RGS7: variants seen among roughly 807,000 people sequenced by gnomAD.
The protein encoded by RGS7 is regulator of G protein signaling 7.
Under a neutral mutation model 81.1 loss-of-function variants are expected in RGS7, and 27 were observed. The ratio of observed to expected loss-of-function variants is 0.33; its 90% CI spans 0.25 to 0.46. The LOEUF (loss-of-function observed/expected upper bound fraction) is 0.46. RGS7 is among the 20% of genes least tolerant of loss of function. RGS7 has a pLI of 1.00. For missense variants in RGS7, 396 were observed against 607.4 expected (o/e 0.65, Z 3.66); for synonymous variants, 208 against 207.7 (o/e 1.00, Z -0.01).
At chr1:241,318,324 C>T (rs990224588) in intron 2 of RGS7, among the ~76,000 whole-genome samples, 1 of 152,114 alleles carries the variant, frequency 6.6e-6, no homozygotes, top group African/African-American at 2.4e-5. Flanking sequence ...GAATCTATCA[C>T]GTAGATGACA....
intron 2 of RGS7, among the ~76,000 whole-genome samples, chr1:241,269,966 T>C (rs2148336658): frequency 6.6e-6 from 1 of 152,338 alleles, no homozygotes; most frequent in Admixed American, 6.5e-5. Context: ...ACCTCATTAC[T>C]TTTGGCAGTG....
chr1:241,235,619 C>CT lies in RGS7; in HGVS notation c.78+120079_78+120080insA, dbSNP rs1228061392. On this transcript the variant is annotated intron_variant, in intron 2 of 18. Transcript: ENST00000440928. Reference sequence around the variant, plus strand: ...TTCCTTTATTTTTCTTTCTTCCTTTCCCTTTTCTCTCTTTTTTCTTTTTTC... The same window carrying CT: ...TTCCTTTATTTTTCTTTCTTCCTTTCTCCTTTTCTCTCTTTTTTCTTTTTTC... Among the ~76,000 whole-genome samples the CT allele has an allele frequency of 7.2e-3, 956 of 133,370 alleles. 10 individuals are homozygous for CT. The highest frequency in any genetic ancestry group is 0.011 in the Non-Finnish European group (660 of 60,496). The allele number at this position is 133,370 out of a possible 152,430, so 87.5% of individuals were successfully genotyped here.
At chr1:241,105,081 T>C (rs952758981) in intron 2 of RGS7, among the ~76,000 whole-genome samples, 3 of 152,232 alleles carry the variant, frequency 2.0e-5, no homozygotes, top group African/African-American at 7.2e-5. Context: ...TAGCTCAGCG[T>C]AGGGCAGGTT....
At chr1:241,300,617 A>T (rs1020744812) in intron 2 of RGS7, among the ~76,000 whole-genome samples, 2 of 152,208 alleles carry the variant, frequency 1.3e-5, no homozygotes, top group Non-Finnish European at 2.9e-5. Context: ...TTAGCATTGA[A>T]TAATATTCCA....
In RGS7 at chr1:241,330,088, C is replaced by T. The variant is rs1161046346; in HGVS notation, c.78+25611G>A. 2.0e-5 allele frequency among the ~76,000 whole-genome samples: 3 copies of T among 152,028 alleles called. No homozygotes were observed. In the East Asian group the frequency reaches 5.8e-4, roughly 29 times the overall value. On this transcript the variant is annotated intron_variant, in intron 2 of 18. Transcript: ENST00000440928. ...TCGAGTAGCTGGGACTACAGGTGCC[C>T]GGCACCACACTCGGATAATTTTTTG...
At chr1:241,148,027 T>C (rs1041441126) in intron 2 of RGS7, among the ~76,000 whole-genome samples, 1 of 147,884 alleles carries the variant, frequency 6.8e-6, no homozygotes, top group Non-Finnish European at 1.5e-5. Context: ...TATGGTGTTT[T>C]CAAATTTTCT....
intron 2 of RGS7, among the ~76,000 whole-genome samples, chr1:241,251,384 A>G (rs1399335614): frequency 6.6e-6 from 1 of 152,188 alleles, no homozygotes; most frequent in African/African-American, 2.4e-5. Flanking sequence ...TAGAGAAAAT[A>G]TGATTGTGAG....
At chr1:240,903,329 A>G (rs915456551) in intron 6 of RGS7, among the ~76,000 whole-genome samples, 6 of 152,188 alleles carry the variant, frequency 3.9e-5, no homozygotes, top group Admixed American at 3.9e-4. Context: ...AAATGTGACT[A>G]GGAGATGAAG....
intron 5 of RGS7, among the ~76,000 whole-genome samples, chr1:240,936,007 CT>C (rs1325075353): frequency 6.6e-6 from 1 of 152,178 alleles, no homozygotes; most frequent in African/African-American, 2.4e-5. Context: ...CTTACAATGA[CT>C]GAAATCAGAG....
rs569542677 is a variant in RGS7, at chr1:240,900,957, T to C, written c.385+29760A>G. Among the ~76,000 whole-genome samples, 44 of 149,806 alleles carry C rather than the reference T, an allele frequency of 2.9e-4. 1 individual carries two copies. The South Asian group carries it at 8.8e-3, about 30-fold the overall frequency. ...TGGGCTCCACCCAGTTCGAGCTTCC[T>C]GGCCGATTTGTTTACCTACTCAAGC... On this transcript the variant is annotated intron_variant, in intron 6 of 18. Transcript: ENST00000440928.
At chr1:241,166,091 G>A (rs796914405) in intron 2 of RGS7, among the ~76,000 whole-genome samples, 16 of 152,282 alleles carry the variant, frequency 1.1e-4, no homozygotes, top group East Asian at 7.7e-4. Context: ...ACATCTGGGG[G>A]TGGGGAACAG....
At chr1:241,236,939 T>C (rs1250511546) in intron 2 of RGS7, among the ~76,000 whole-genome samples, 1 of 152,190 alleles carries the variant, frequency 6.6e-6, no homozygotes, top group Non-Finnish European at 1.5e-5. Flanking sequence ...CCCAACAGCA[T>C]TGCTTTGCCC....
At chr1:240,997,169 G>T (rs756752919) in intron 3 of RGS7, among the ~76,000 whole-genome samples, 1 of 151,836 alleles carries the variant, frequency 6.6e-6, no homozygotes, top group Non-Finnish European at 1.5e-5. Flanking sequence ...TAGAGACAGG[G>T]TCTTGTTATG....
intron 2 of RGS7, among the ~76,000 whole-genome samples, chr1:241,303,356 C>T (rs946757448): frequency 1.3e-5 from 2 of 152,304 alleles, no homozygotes; most frequent in Admixed American, 6.5e-5. Context: ...CCTTCCCCTT[C>T]GGCCATGATT....
At position 241,131,222 on chromosome 1, in the gene RGS7, A is replaced by G. The variant is rs189010182; in HGVS notation, c.79-32460T>C. On this transcript the variant is annotated intron_variant, in intron 2 of 18. Coordinates refer to ENST00000440928, the MANE Select transcript of RGS7 (RefSeq NM_001364886.1). Reference sequence around the variant, plus strand: ...TCAAATTAAACTAAACACCCATAGCACATAGGAAAAAAAAGCCAAATGACA... The same window carrying G: ...TCAAATTAAACTAAACACCCATAGCGCATAGGAAAAAAAAGCCAAATGACA... 9.8e-4 allele frequency among the ~76,000 whole-genome samples: 150 copies of G among 152,320 alleles called. 1 individual carries two copies. Among genetic ancestry groups the G allele is most frequent in the African/African-American group, 3.5e-3 (146 of 41,568 alleles).
intron 4 of RGS7, among the ~76,000 whole-genome samples, chr1:240,982,535 T>C (rs1050784735): frequency 6.6e-6 from 1 of 151,840 alleles, no homozygotes; most frequent in Non-Finnish European, 1.5e-5. Flanking sequence ...CTTTGGAAAT[T>C]AGTTTTCTGC....
At chr1:241,039,232 T>C (rs1033024221) in intron 3 of RGS7, among the ~76,000 whole-genome samples, 1 of 152,336 alleles carries the variant, frequency 6.6e-6, no homozygotes, top group East Asian at 1.9e-4. Context: ...TCACTTTTCC[T>C]AATTGGAATT....
intron 18 of RGS7, among the ~76,000 whole-genome samples, chr1:240,784,201 A>C (rs866981363): frequency 6.6e-6 from 1 of 151,810 alleles, no homozygotes; most frequent in Non-Finnish European, 1.5e-5. Flanking sequence ...AAAAAAACAA[A>C]AAAACAAAAC....
At chr1:241,167,317 G>A (rs972214728) in intron 2 of RGS7, among the ~76,000 whole-genome samples, 6 of 152,100 alleles carry the variant, frequency 3.9e-5, no homozygotes, top group African/African-American at 7.2e-5. Flanking sequence ...TCCAGTATTC[G>A]TTCTTCTCAT....
Sources: allele counts gnomAD v4.1 joint callset (sites outside exome capture counted in the v4.1 genomes callset), GRCh38; gene constraint gnomAD v4.1.1; transcripts MANE v1.5; gene names NCBI Gene and HGNC (gene_info 2026-07-23, HGNC 2026-07-21).